Variants in MFHAS1 observed in about 807,000 individuals in gnomAD.
MFHAS1 encodes the protein malignant fibrous histiocytoma-amplified sequence 1.
In MFHAS1, 50 loss-of-function variants were observed where a neutral mutation model predicts 70.4. That is an observed-to-expected ratio of 0.71 (90% confidence interval 0.57 to 0.90). MFHAS1 has a LOEUF of 0.90. Among genes scored for constraint, MFHAS1 ranks in the 40% least tolerant of loss-of-function variants. MFHAS1 has a pLI of 0.00. For missense variants in MFHAS1, 1,795 were observed against 1,347.6 expected (o/e 1.33, Z -5.20); for synonymous variants, 952 against 620.0 (o/e 1.54, Z -7.96).
chr8:8,837,894 T>C (rs1807661718), intron 1 of MFHAS1, among the ~76,000 whole-genome samples: 1 of 152,132 alleles, frequency 6.6e-6, no homozygotes, highest in Non-Finnish European at 1.5e-5. Context: ...AGCGAAATGA[T>C]TTAACACCAT....
At chr8:8,800,222 T>G (rs1806041998) in intron 1 of MFHAS1, among the ~76,000 whole-genome samples, 1 of 152,214 alleles carries the variant, frequency 6.6e-6, no homozygotes, top group Non-Finnish European at 1.5e-5. Flanking sequence ...GTAATTTGAG[T>G]TCCTTAACCA....
intron 2 of MFHAS1, among the ~76,000 whole-genome samples, chr8:8,796,116 A>C (rs1805884077): frequency 6.6e-6 from 1 of 152,190 alleles, no homozygotes; most frequent in Non-Finnish European, 1.5e-5. Context: ...ACACACATAC[A>C]TAAAACCCAA....
intron 1 of MFHAS1, among the ~76,000 whole-genome samples, chr8:8,819,260 T>C (rs895712093): frequency 2.6e-5 from 4 of 152,214 alleles, no homozygotes; most frequent in Non-Finnish European, 5.9e-5. Flanking sequence ...CAAATATATA[T>C]ATTATAAACA....
chr8:8,797,836 G>A (rs1438562043), intron 1 of MFHAS1, among the ~76,000 whole-genome samples: 1 of 152,154 alleles, frequency 6.6e-6, no homozygotes, highest in African/African-American at 2.4e-5. Context: ...AGAGTCCCCA[G>A]AGCCCACCGA....
At chr8:8,837,731 G>A (rs1428474991) in intron 1 of MFHAS1, among the ~76,000 whole-genome samples, 2 of 151,550 alleles carry the variant, frequency 1.3e-5, no homozygotes, top group African/African-American at 2.4e-5. Context: ...AGATACCACT[G>A]CACACCCATT....
At chr8:8,820,281 C>T in intron 1 of MFHAS1, among the ~76,000 whole-genome samples, 1 of 151,692 alleles carries the variant, frequency 6.6e-6, no homozygotes, top group East Asian at 1.9e-4. Context: ...GACTGCTGTG[C>T]TCCCCCTTCT....
At chr8:8,848,058 C>A (rs1251360460) in intron 1 of MFHAS1, among the ~76,000 whole-genome samples, 1 of 152,214 alleles carries the variant, frequency 6.6e-6, no homozygotes, top group African/African-American at 2.4e-5. Flanking sequence ...ACAGCCTAGA[C>A]ACTGGGTTGC....
At chr8:8,867,691 G>A (rs925618354) in intron 1 of MFHAS1, among the ~76,000 whole-genome samples, 14 of 151,750 alleles carry the variant, frequency 9.2e-5, no homozygotes, top group East Asian at 1.9e-4. Context: ...CCAAGTAGCT[G>A]GGACTACAGG....
At chr8:8,882,334 G>A (rs1211870230) in intron 1 of MFHAS1, among the ~76,000 whole-genome samples, 1 of 152,194 alleles carries the variant, frequency 6.6e-6, no homozygotes, top group Non-Finnish European at 1.5e-5. Context: ...AGGTTGCAGT[G>A]AGCTCAGATA....
chr8:8,891,093 G>GT lies in MFHAS1; in HGVS notation c.1965dup (p.His656ThrfsTer54). On this transcript the variant is annotated frameshift_variant, in exon 1 of 3. Transcript: ENST00000276282. LOFTEE classifies it high-confidence loss of function. This position sits in a 1 kb window ranked among gnomAD's most constrained non-coding sequence, Gnocchi z 5.4. ...TGCCAGGATCGAGGCAGTACTCTGT[G>GT]TAAGTTGGGGAAGATCTCTCGGTGC... 1.2e-6 allele frequency: 2 copies of GT among 1,613,940 alleles called. No individual in the cohort carries two copies. The highest frequency in any genetic ancestry group is 1.7e-6 in the Non-Finnish European group (2 of 1,179,998).
chr8:8,851,549 A>G (rs58512496), intron 1 of MFHAS1, among the ~76,000 whole-genome samples: 6,316 of 152,276 alleles, frequency 0.041, 400 homozygotes, highest in African/African-American at 0.14. Flanking sequence ...TCATCCTACC[A>G]TGTAGTACAA....
chr8:8,839,596 C>G (rs975123432), intron 1 of MFHAS1, among the ~76,000 whole-genome samples: 1 of 152,208 alleles, frequency 6.6e-6, no homozygotes, highest in East Asian at 1.9e-4. Context: ...CCTTCCTCAT[C>G]TCATAAGCTT....
At chr8:8,846,682 G>A (rs1208245672) in intron 1 of MFHAS1, among the ~76,000 whole-genome samples, 3 of 151,700 alleles carry the variant, frequency 2.0e-5, no homozygotes, top group Non-Finnish European at 4.4e-5. Context: ...GCTGTCTCGG[G>A]GCCTCTGCAC....
At chr8:8,808,478 G>A (rs564040862) in intron 1 of MFHAS1, among the ~76,000 whole-genome samples, 1 of 152,318 alleles carries the variant, frequency 6.6e-6, no homozygotes, top group African/African-American at 2.4e-5. Flanking sequence ...GAGTAGTGAT[G>A]CTGGCGATTT....
At chr8:8,884,395 T>C (rs1184929043) in intron 1 of MFHAS1, among the ~76,000 whole-genome samples, 1 of 152,180 alleles carries the variant, frequency 6.6e-6, no homozygotes, top group East Asian at 1.9e-4. Flanking sequence ...GAAAAACCTT[T>C]GTAAAATTAA....
At chr8:8,880,436 G>T (rs1315453362) in intron 1 of MFHAS1, among the ~76,000 whole-genome samples, 1 of 152,148 alleles carries the variant, frequency 6.6e-6, no homozygotes, top group Non-Finnish European at 1.5e-5. Flanking sequence ...AGAGGAGGAG[G>T]AAGATGAGGA....
intron 1 of MFHAS1, among the ~76,000 whole-genome samples, chr8:8,820,423 A>G (rs963952593): frequency 3.3e-5 from 5 of 152,168 alleles, no homozygotes; most frequent in African/African-American, 1.2e-4. Flanking sequence ...TAACTGCAAC[A>G]TTCTCTTCTT....
Position 8,892,858 on chromosome 8 carries a change from T to C in MFHAS1, c.201A>G (p.Ala67=). The part of the protein sequence containing the change: ...VLPANLGDIE[A]LNLGNNGLEE... ...CCAGGCCGTTGTTCCCCAGGTTCAG[T>C]GCCTCAATGTCCCCGAGGTTGGCCG... is the stretch of plus-strand genomic sequence containing the variant. The change falls in exon 1 of 3, where the codon GCA becomes GCG. Residue 67 remains alanine, a synonymous_variant. Coordinates refer to ENST00000276282, the MANE Select transcript of MFHAS1 (RefSeq NM_004225.3). The surrounding 1 kb of genome is among the most constrained non-coding windows in gnomAD (Gnocchi z 4.7). 1.3e-6 allele frequency: 2 copies of C among 1,595,700 alleles called. No homozygotes were observed. Among genetic ancestry groups the C allele is most frequent in the Non-Finnish European group, 1.7e-6 (2 of 1,172,032 alleles).
intron 1 of MFHAS1, among the ~76,000 whole-genome samples, chr8:8,808,115 A>C (rs555509683): frequency 6.6e-6 from 1 of 151,676 alleles, no homozygotes; most frequent in Non-Finnish European, 1.5e-5. Flanking sequence ...CTGTCCCCAC[A>C]CTGTAGACGC....
Sources: allele counts gnomAD v4.1 joint callset (sites outside exome capture counted in the v4.1 genomes callset), GRCh38; gene constraint gnomAD v4.1.1; non-coding constraint Gnocchi (gnomAD v3.1); transcripts MANE v1.5; gene names NCBI Gene and HGNC (gene_info 2026-07-23, HGNC 2026-07-21).